FOXP2: variants seen among roughly 807,000 people sequenced by gnomAD.
FOXP2 encodes the protein forkhead box protein P2.
A neutral mutation model predicts 115.8 loss-of-function variants in FOXP2; 12 were observed. That is an observed-to-expected ratio of 0.10 (90% CI 0.07 to 0.17). FOXP2 has a LOEUF of 0.17. Among genes scored for constraint, FOXP2 ranks in the 10% least tolerant of loss-of-function variants. FOXP2 has a pLI of 1.00. For synonymous variants in FOXP2, 328 were observed against 297.7 expected (o/e 1.10, Z -1.05); for missense variants, 629 against 843.5 (o/e 0.75, Z 3.15).
intron 3 of FOXP2, among the ~76,000 whole-genome samples, chr7:114,543,142 A>G (rs1193703427): frequency 6.6e-6 from 1 of 152,154 alleles, no homozygotes; most frequent in Non-Finnish European, 1.5e-5. Flanking sequence ...GCTCATTACA[A>G]GAATCTAACA....
At chr7:114,101,998 A>C (rs994846878) in intron 1 of FOXP2, among the ~76,000 whole-genome samples, 1 of 151,736 alleles carries the variant, frequency 6.6e-6, no homozygotes, top group Non-Finnish European at 1.5e-5. Flanking sequence ...GATGATAATC[A>C]TGATCACCAA....
At chr7:114,582,890 T>C (rs2129302592) in intron 3 of FOXP2, among the ~76,000 whole-genome samples, 1 of 152,306 alleles carries the variant, frequency 6.6e-6, no homozygotes. Context: ...TAGACATATT[T>C]AACTACCTAA....
At chr7:114,559,888 T>C (rs10653514) in intron 3 of FOXP2, among the ~76,000 whole-genome samples, 1 of 147,718 alleles carries the variant, frequency 6.8e-6, no homozygotes, top group Non-Finnish European at 1.5e-5. Context: ...GATTCCATCT[T>C]AAAAAAAAAA....
chr7:114,215,319 T>C (rs1794458101), intron 1 of FOXP2, among the ~76,000 whole-genome samples: 1 of 152,204 alleles, frequency 6.6e-6, no homozygotes, highest in Non-Finnish European at 1.5e-5. Context: ...CATTTTACAT[T>C]GAAATTTGTT....
intron 3 of FOXP2, among the ~76,000 whole-genome samples, chr7:114,556,924 A>T (rs970175841): frequency 6.6e-6 from 1 of 152,174 alleles, no homozygotes; most frequent in Non-Finnish European, 1.5e-5. Flanking sequence ...TTTTTGAAAA[A>T]ACTGTAAAAC....
chr7:114,527,184 G>A (rs1260220756), intron 2 of FOXP2, among the ~76,000 whole-genome samples: 1 of 151,784 alleles, frequency 6.6e-6, no homozygotes, highest in Non-Finnish European at 1.5e-5. Flanking sequence ...TAAATATACC[G>A]TATTTTATCT....
At chr7:114,144,274 G>A (rs1483092376) in intron 1 of FOXP2, among the ~76,000 whole-genome samples, 3 of 152,162 alleles carry the variant, frequency 2.0e-5, no homozygotes, top group South Asian at 4.2e-4. Context: ...GTGGTTTATG[G>A]TATATAGTTC....
intron 1 of FOXP2, among the ~76,000 whole-genome samples, chr7:114,248,469 GA>G (rs888532290): frequency 8.6e-5 from 13 of 152,034 alleles, no homozygotes; most frequent in African/African-American, 4.8e-5. Context: ...ATTTAAAATG[GA>G]AAAAAACTCA....
intron 3 of FOXP2, among the ~76,000 whole-genome samples, chr7:114,606,221 C>T (rs1167110378): frequency 6.6e-6 from 1 of 152,090 alleles, no homozygotes. Flanking sequence ...TAAAAGAAAC[C>T]GTTTCACAGA....
At chr7:114,161,563 G>A (rs79542084), upstream of FOXP2, among the ~76,000 whole-genome samples, 5,205 of 150,600 alleles carry the variant, frequency 0.035, 297 homozygotes, top group African/African-American at 0.12. Flanking sequence ...AATACCACCA[G>A]TATATTGTGT....
chr7:114,139,393 G>A (rs1584501881), intron 1 of FOXP2, among the ~76,000 whole-genome samples: 1 of 151,336 alleles, frequency 6.6e-6, no homozygotes, highest in African/African-American at 2.4e-5. Flanking sequence ...AGATCTATAG[G>A]GTATAAAACA....
chr7:114,563,621 A>C (rs1800858584), intron 3 of FOXP2, among the ~76,000 whole-genome samples: 1 of 152,166 alleles, frequency 6.6e-6, no homozygotes, highest in South Asian at 2.1e-4. Flanking sequence ...CACTGCCAGA[A>C]CTTATCCACT....
upstream of FOXP2, among the ~76,000 whole-genome samples, chr7:114,087,557 C>T (rs1271954841): frequency 6.6e-6 from 1 of 151,162 alleles, no homozygotes; most frequent in Non-Finnish European, 1.5e-5. Flanking sequence ...ACAGTGGCCC[C>T]GGCGGGCAGG....
chr7:114,227,932 A>G (rs1794782446), intron 1 of FOXP2, among the ~76,000 whole-genome samples: 1 of 152,048 alleles, frequency 6.6e-6, no homozygotes, highest in Admixed American at 6.6e-5. Flanking sequence ...TATATGTAAT[A>G]TCACAGCAAA....
chr7:114,574,086 T>A (rs1801454704), intron 3 of FOXP2, among the ~76,000 whole-genome samples: 1 of 151,828 alleles, frequency 6.6e-6, no homozygotes. Context: ...TTTAATGTAC[T>A]CACTAATAAA....
chr7:114,539,822 A>T (rs1799569659), intron 3 of FOXP2, among the ~76,000 whole-genome samples: 1 of 152,030 alleles, frequency 6.6e-6, no homozygotes, highest in Admixed American at 6.6e-5. Context: ...AAAACTTACC[A>T]TATGATCTAC....
intron 3 of FOXP2, among the ~76,000 whole-genome samples, chr7:114,604,092 C>A (rs1280177858): frequency 2.0e-5 from 3 of 152,112 alleles, no homozygotes; most frequent in Non-Finnish European, 4.4e-5. Flanking sequence ...GTGGCTTAAA[C>A]AACAGACATT....
chr7:114,245,551 G>A (rs1020114376), intron 1 of FOXP2, among the ~76,000 whole-genome samples: 3 of 152,170 alleles, frequency 2.0e-5, no homozygotes, highest in Non-Finnish European at 4.4e-5. Flanking sequence ...GAAAGAAATA[G>A]AGGGATAGTT....
intron 2 of FOXP2, among the ~76,000 whole-genome samples, chr7:114,288,847 A>G (rs967522854): frequency 6.6e-6 from 1 of 151,814 alleles, no homozygotes; most frequent in African/African-American, 2.4e-5. Flanking sequence ...AATTTTAGGC[A>G]GAGTTTGTAT....
Sources: gnomAD v4.1 joint callset for allele counts (sites outside exome capture counted in the v4.1 genomes callset) on GRCh38, gnomAD v4.1.1 for gene constraint, MANE v1.5 for transcripts, NCBI Gene and HGNC (gene_info 2026-07-23, HGNC 2026-07-21) for gene names.